Variants in KCNG3 observed in about 807,000 individuals in gnomAD.
KCNG3 encodes potassium voltage-gated channel modifier subfamily G member 3.
Under a neutral mutation model 29.0 loss-of-function variants are expected in KCNG3, and 15 were observed. The observed-to-expected ratio is 0.52, with a 90% CI of 0.35 to 0.80. The LOEUF (loss-of-function observed/expected upper bound fraction) is 0.80, where lower values mean the gene tolerates loss of function less well. Ranked by LOEUF, KCNG3 falls within the 30% of genes least tolerant of loss-of-function variation. KCNG3 has a pLI of 0.01. For missense variants in KCNG3, 512 were observed against 605.7 expected, an observed-to-expected ratio of 0.85 and a Z score of 1.62; for synonymous variants, 322 against 248.9, an observed-to-expected ratio of 1.29 and a Z score of -2.76.
the KCNG3 span, among the ~76,000 whole-genome samples, chr2:42,422,145 G>C: frequency 5.0e-3 from 763 of 152,248 alleles, 4 homozygotes; most frequent in Admixed American, 8.0e-3. Flanking sequence ...CAATTGCTAC[G>C]GTTTGAATTT....
chr2:42,466,057 A>T (rs1399401819), intron 1 of KCNG3, among the ~76,000 whole-genome samples: 1 of 152,222 alleles, frequency 6.6e-6, no homozygotes, highest in Non-Finnish European at 1.5e-5. Flanking sequence ...CAGTAGTTCC[A>T]TAAGATTATA....
the KCNG3 span, among the ~76,000 whole-genome samples, chr2:42,419,924 A>T: frequency 6.6e-6 from 1 of 152,014 alleles, no homozygotes; most frequent in Non-Finnish European, 1.5e-5. Context: ...TGCATAATCT[A>T]CATAAAATGA....
At chr2:42,467,433 C>A (rs1673168190) in intron 1 of KCNG3, among the ~76,000 whole-genome samples, 1 of 152,094 alleles carries the variant, frequency 6.6e-6, no homozygotes, top group African/African-American at 2.4e-5. Context: ...TTTGGGAGGC[C>A]AAGGCGGGTG....
intron 1 of KCNG3, among the ~76,000 whole-genome samples, chr2:42,466,091 T>C (rs1673135442): frequency 6.6e-6 from 1 of 152,164 alleles, no homozygotes; most frequent in Admixed American, 6.6e-5. Context: ...ACTATACCTT[T>C]TCTCTGTTTA....
chr2:42,483,536 G>T (rs758966702), intron 1 of KCNG3, among the ~76,000 whole-genome samples: 83 of 152,302 alleles, frequency 5.4e-4, no homozygotes, highest in Non-Finnish European at 9.7e-4. Context: ...CCCACTGTGT[G>T]AGTCTGGACA....
intron 1 of KCNG3, among the ~76,000 whole-genome samples, chr2:42,452,281 T>A (rs192466090): frequency 6.9e-6 from 1 of 145,372 alleles, no homozygotes; most frequent in Admixed American, 7.0e-5. Context: ...AATTTTGCTC[T>A]GTCACCCAGG....
At chr2:42,484,468 A>C (rs1250103037) in intron 1 of KCNG3, among the ~76,000 whole-genome samples, 8 of 152,286 alleles carry the variant, frequency 5.3e-5, no homozygotes, top group Admixed American at 5.2e-4. Context: ...CTGAAGAAAA[A>C]ATAAATAAAT....
chr2:42,432,177 A>G, the KCNG3 span, among the ~76,000 whole-genome samples: 9 of 152,224 alleles, frequency 5.9e-5, no homozygotes, highest in African/African-American at 2.2e-4. Context: ...CACAGTGCCC[A>G]GCACAGAAGT....
chr2:42,474,201 C>A (rs941950189), intron 1 of KCNG3, among the ~76,000 whole-genome samples: 1 of 150,812 alleles, frequency 6.6e-6, no homozygotes, highest in Non-Finnish European at 1.5e-5. Context: ...TTGCTCTGGG[C>A]GACAGAGCAA....
chr2:42,461,499 G>A (rs1473650985), intron 1 of KCNG3, among the ~76,000 whole-genome samples: 1 of 152,086 alleles, frequency 6.6e-6, no homozygotes, highest in Non-Finnish European at 1.5e-5. Flanking sequence ...TATGCATACA[G>A]GCGAAGAGAT....
chr2:42,392,082 A>T, the KCNG3 span, among the ~76,000 whole-genome samples: 1,622 of 152,324 alleles, frequency 0.011, 41 homozygotes, highest in African/African-American at 0.036. Flanking sequence ...CTAAATAATT[A>T]TTTCATCAGT....
At chr2:42,418,506 C>G in the KCNG3 span, among the ~76,000 whole-genome samples, 1 of 152,114 alleles carries the variant, frequency 6.6e-6, no homozygotes, top group Non-Finnish European at 1.5e-5. Flanking sequence ...AACTTTTACT[C>G]TTCATTTTGT....
chr2:42,406,332 G>C, the KCNG3 span, among the ~76,000 whole-genome samples: 2 of 151,630 alleles, frequency 1.3e-5, no homozygotes, highest in Non-Finnish European at 2.9e-5. Context: ...CAATTCTCCT[G>C]TCTCAGCCTC....
chr2:42,428,157 AT>A, the KCNG3 span, among the ~76,000 whole-genome samples: 1,937 of 146,606 alleles, frequency 0.013, 45 homozygotes, highest in African/African-American at 0.041. Flanking sequence ...AACAAGGTAG[AT>A]TTTTTTTTTT....
At position 42,469,203 on chromosome 2, in the gene KCNG3, G is replaced by A. The variant is rs146911271; in HGVS notation, c.665+23634C>T. Among the ~76,000 whole-genome samples, 1,125 of 152,058 alleles carry A rather than the reference G, an allele frequency of 7.4e-3. 12 individuals carry two copies. Among genetic ancestry groups the A allele is most frequent in the African/African-American group, 0.025 (1,055 of 41,494 alleles). ...GGAGGCCGAGGCAGCTGGATCACGA[G>A]GTCAGAAGGTGGAGACCAGCCTGGC... is the stretch of plus-strand genomic sequence containing the variant. On this transcript the variant is annotated intron_variant, in intron 1 of 1. Coordinates refer to ENST00000306078, the MANE Select transcript of KCNG3 (RefSeq NM_133329.6).
the KCNG3 span, among the ~76,000 whole-genome samples, chr2:42,422,681 T>C: frequency 1.7e-3 from 253 of 152,256 alleles, 8 homozygotes; most frequent in East Asian, 0.042. Flanking sequence ...GAGGACTCCA[T>C]AGTAGGAGGG....
intron 1 of KCNG3, among the ~76,000 whole-genome samples, chr2:42,461,501 C>T (rs568340903): frequency 4.6e-5 from 7 of 152,172 alleles, no homozygotes; most frequent in Non-Finnish European, 2.9e-5. Context: ...TGCATACAGG[C>T]GAAGAGATCA....
the KCNG3 span, among the ~76,000 whole-genome samples, chr2:42,408,802 C>T: frequency 6.6e-6 from 1 of 152,182 alleles, no homozygotes; most frequent in Non-Finnish European, 1.5e-5. Flanking sequence ...GCCCCTTGCT[C>T]ACCACGTTGC....
the KCNG3 span, among the ~76,000 whole-genome samples, chr2:42,407,042 A>G: frequency 6.6e-6 from 1 of 152,164 alleles, no homozygotes; most frequent in Non-Finnish European, 1.5e-5. Context: ...AACAAAACAC[A>G]AAACACTTCA....
Sources: gnomAD v4.1 joint callset for allele counts (sites outside exome capture counted in the v4.1 genomes callset) on GRCh38, gnomAD v4.1.1 for gene constraint, MANE v1.5 for transcripts, NCBI Gene and HGNC (gene_info 2026-07-23, HGNC 2026-07-21) for gene names.